ST8SIA5: variants seen among roughly 807,000 people sequenced by gnomAD.
The protein encoded by ST8SIA5 is ST8 alpha-N-acetyl-neuraminide alpha-2,8-sialyltransferase 5.
ST8SIA5 carries 24 observed loss-of-function variants against 40.2 expected under a neutral mutation model. The ratio of observed to expected loss-of-function variants is 0.60; its 90% CI spans 0.43 to 0.84. The LOEUF is 0.84. ST8SIA5 is among the 40% of genes least tolerant of loss of function. The probability of loss-of-function intolerance (pLI) is 0.00; values close to 1 mark genes in which losing one functional copy is unlikely to be tolerated. For missense variants in ST8SIA5, 465 were observed against 498.5 expected (o/e 0.93, Z 0.64); for synonymous variants, 198 against 201.8 (o/e 0.98, Z 0.16).
chr18:46,676,462 A>G lies in ST8SIA5; in HGVS notation c.*3580T>C, dbSNP rs1339817150. The G allele has an allele frequency of 6.6e-6, 1 of 152,098 alleles. No individual in the cohort carries two copies. The highest frequency in any genetic ancestry group is 2.4e-5 in the African/African-American group (1 of 41,398). The allele number at this position is 152,098 out of a possible 1,614,324, so 9.4% of individuals were successfully genotyped here. A position where few individuals can be genotyped will look rare whatever the true frequency, so the allele number is the denominator to read the frequency against. On this transcript the variant is annotated 3_prime_UTR_variant, in exon 7 of 7. Transcript: ENST00000315087. ...CACTCACTAAATTGGCCAGCACTCT[A>G]CTCTGCCTCAGTTGTTTCTAAGCAC...
intron 1 of ST8SIA5, among the ~76,000 whole-genome samples, chr18:46,734,800 A>G (rs2040018394): frequency 1.3e-5 from 2 of 152,186 alleles, no homozygotes; most frequent in Non-Finnish European, 2.9e-5. Flanking sequence ...TAAACTCTTC[A>G]TGTGTGTTTG....
In ST8SIA5 at chr18:46,679,906, G is replaced by A; in HGVS notation, c.*136C>T. Reference sequence around the variant, plus strand: ...CCTGCCTCCCTACCCCAGGATCCAAGTACAGAGCTGAACAATGGAGGGAGA... The same window carrying A: ...CCTGCCTCCCTACCCCAGGATCCAAATACAGAGCTGAACAATGGAGGGAGA... On this transcript the variant is annotated 3_prime_UTR_variant, in exon 7 of 7. Transcript: ENST00000315087. 1.1e-6 allele frequency: 1 copy of A among 874,716 alleles called. No individual in the cohort carries two copies. Among genetic ancestry groups the A allele is most frequent in the Non-Finnish European group, 1.7e-6 (1 of 585,726 alleles). 54.2% of individuals were successfully genotyped at this position (874,716 alleles called of 1,614,324 possible).
chr18:46,739,459 G>A (rs938666782), intron 1 of ST8SIA5, among the ~76,000 whole-genome samples: 6 of 152,134 alleles, frequency 3.9e-5, no homozygotes, highest in Non-Finnish European at 7.4e-5. Context: ...GCTTGAACCC[G>A]GGAGGCGGAG....
At chr18:46,688,742 C>A in intron 4 of ST8SIA5, 33 bp downstream of exon 4, 1 of 1,593,720 alleles carries the variant, frequency 6.3e-7, no homozygotes, top group Non-Finnish European at 8.6e-7. Context: ...GGCTCCCTCG[C>A]CCCACCCAGA....
At chr18:46,726,506 G>A (rs1599137963) in intron 1 of ST8SIA5, among the ~76,000 whole-genome samples, 1 of 151,944 alleles carries the variant, frequency 6.6e-6, no homozygotes. Flanking sequence ...AAGTAAATAC[G>A]GCAGGATGTT....
intron 2 of ST8SIA5, among the ~76,000 whole-genome samples, chr18:46,693,061 C>T (rs369695899): frequency 2.5e-4 from 38 of 152,108 alleles, no homozygotes; most frequent in Non-Finnish European, 4.6e-4. Context: ...GCCTCCTGAC[C>T]GGCCCTGGGG....
chr18:46,711,921 G>A (rs1027202400), intron 1 of ST8SIA5, among the ~76,000 whole-genome samples: 1 of 152,192 alleles, frequency 6.6e-6, no homozygotes, highest in Non-Finnish European at 1.5e-5. Context: ...ATCAGAACTG[G>A]ATGCTAAAAA....
At position 46,672,811 on chromosome 18, in the gene ST8SIA5, C is replaced by A. The variant is rs1270887042; in HGVS notation, c.*7231G>T. 6.9e-6 allele frequency: 1 copy of A among 144,074 alleles called. No homozygotes were observed. The highest frequency in any genetic ancestry group is 7.1e-5 in the Admixed American group (1 of 14,022). The allele number at this position is 144,074 out of a possible 1,614,324, so 8.9% of individuals were successfully genotyped here. A position where few individuals can be genotyped will look rare whatever the true frequency, so the allele number is the denominator to read the frequency against. On this transcript the variant is annotated 3_prime_UTR_variant, in exon 7 of 7. Coordinates refer to ENST00000315087, the MANE Select transcript of ST8SIA5 (RefSeq NM_013305.6). ...AAGGTCTCAGGAAGCCAGGGGCCAACGACCAGCCCAGGACAACTGCCCAAG... is the reference window on the plus strand; with the variant it reads ...AAGGTCTCAGGAAGCCAGGGGCCAAAGACCAGCCCAGGACAACTGCCCAAG...
At chr18:46,751,166 T>C (rs2040191823) in intron 1 of ST8SIA5, among the ~76,000 whole-genome samples, 1 of 152,076 alleles carries the variant, frequency 6.6e-6, no homozygotes, top group Non-Finnish European at 1.5e-5. Flanking sequence ...GAACCACCAT[T>C]CTACTTTCTG....
intron 1 of ST8SIA5, among the ~76,000 whole-genome samples, chr18:46,744,505 G>C (rs1419557909): frequency 6.6e-6 from 1 of 152,178 alleles, no homozygotes; most frequent in Non-Finnish European, 1.5e-5. Context: ...AATTCAACGA[G>C]AAGAGCTAAC....
At chr18:46,739,581 G>C (rs968017386) in intron 1 of ST8SIA5, among the ~76,000 whole-genome samples, 15 of 152,198 alleles carry the variant, frequency 9.9e-5, no homozygotes, top group African/African-American at 3.6e-4. Flanking sequence ...TCAACTTCCA[G>C]AGTGGGCTTC....
Position 46,669,074 on chromosome 18 carries a change from C to T in ST8SIA5, c.*10968G>A, listed in dbSNP as rs1360350732. 6.6e-6 allele frequency: 1 copy of T among 152,626 alleles called. No individual in the cohort carries two copies. Among genetic ancestry groups the T allele is most frequent in the Non-Finnish European group, 1.5e-5 (1 of 68,346 alleles). The allele number at this position is 152,626 out of a possible 1,614,324, so 9.5% of individuals were successfully genotyped here. ...TTCTGTCCCACTAGGTTCAGCCACC[C>T]AAGGCTGCTGGTTCGGGTGCCCTGA... is the stretch of plus-strand genomic sequence containing the variant. On this transcript the variant is annotated 3_prime_UTR_variant, in exon 7 of 7. Transcript: ENST00000315087.
chr18:46,750,003 TC>T (rs2040181667), intron 1 of ST8SIA5, among the ~76,000 whole-genome samples: 1 of 152,192 alleles, frequency 6.6e-6, no homozygotes, highest in Non-Finnish European at 1.5e-5. Flanking sequence ...ATCACCTTGA[TC>T]TTGAACTTTC....
In ST8SIA5 at chr18:46,719,275, A is replaced by G. The variant is rs2039826731; in HGVS notation, c.132-14611T>C. Among the ~76,000 whole-genome samples, 3 of 152,314 alleles carry G rather than the reference A, an allele frequency of 2.0e-5. No homozygotes were observed. In the South Asian group the frequency reaches 6.2e-4, roughly 32 times the overall value. ...AGGTCAGCTGTGTCTCTGACCCTGC[A>G]GGCTCCCGGCTGATAGGAAAGAGGA... is the stretch of plus-strand genomic sequence containing the variant. On this transcript the variant is annotated intron_variant, in intron 1 of 6. Coordinates refer to ENST00000315087, the MANE Select transcript of ST8SIA5 (RefSeq NM_013305.6).
chr18:46,686,098 A>G, intron 5 of ST8SIA5, 76 bp downstream of exon 5: 8 of 1,425,652 alleles, frequency 5.6e-6, no homozygotes, highest in Non-Finnish European at 7.9e-6. Context: ...AAAGGGTAGC[A>G]TTAGGGAACC....
intron 1 of ST8SIA5, chr18:46,721,379 G>A (rs2039861552): frequency 6.5e-7 from 1 of 1,536,122 alleles, no homozygotes; most frequent in Admixed American, 2.0e-5. Context: ...TGGAGTCACT[G>A]CCGCTCTGCA....
At chr18:46,742,068 T>C (rs561862421) in intron 1 of ST8SIA5, among the ~76,000 whole-genome samples, 5 of 151,242 alleles carry the variant, frequency 3.3e-5, no homozygotes, top group East Asian at 1.9e-4. Context: ...AGCCACTGCA[T>C]CCAGCCTGGG....
chr18:46,721,044 C>T (rs973547164), intron 1 of ST8SIA5, among the ~76,000 whole-genome samples: 1 of 152,072 alleles, frequency 6.6e-6, no homozygotes, highest in African/African-American at 2.4e-5. Context: ...GGCTGATATC[C>T]GAAATCCCTG....
chr18:46,747,690 A>G (rs2040154038), intron 1 of ST8SIA5, among the ~76,000 whole-genome samples: 1 of 152,192 alleles, frequency 6.6e-6, no homozygotes, highest in South Asian at 2.1e-4. Flanking sequence ...AGAACTAGAA[A>G]TACCATTTGA....
Sources: allele counts gnomAD v4.1 joint callset (sites outside exome capture counted in the v4.1 genomes callset), GRCh38; gene constraint gnomAD v4.1.1; transcripts MANE v1.5; gene names NCBI Gene and HGNC (gene_info 2026-07-23, HGNC 2026-07-21).